The following PURG variants were observed in gnomAD, a reference collection of about 807,000 sequenced individuals.
The protein encoded by PURG is purine rich element binding protein G, also known as purine-rich element-binding protein gamma.
In PURG, 3 loss-of-function variants were observed where a neutral mutation model predicts 24.3. The ratio of observed to expected loss-of-function variants is 0.12; its 90% CI spans 0.06 to 0.32. PURG has a LOEUF of 0.32. Ranked by LOEUF, PURG falls within the 10% of genes least tolerant of loss-of-function variation. PURG has a pLI of 1.00. For synonymous variants in PURG, 180 were observed against 173.1 expected (o/e 1.04, Z -0.31); for missense variants, 371 against 439.1 (o/e 0.84, Z 1.39).
At chr8:31,025,549 T>G (rs1435549989) in intron 1 of PURG, among the ~76,000 whole-genome samples, 1 of 151,962 alleles carries the variant, frequency 6.6e-6, no homozygotes, top group African/African-American at 2.4e-5. Context: ...TCAACCCACA[T>G]TTTTAAAGAT....
At chr8:31,015,025 G>A (rs1197818234) in intron 1 of PURG, among the ~76,000 whole-genome samples, 1 of 152,230 alleles carries the variant, frequency 6.6e-6, no homozygotes, top group East Asian at 1.9e-4. Context: ...CAATACAGGA[G>A]ATAAGCTTTA....
chr8:31,005,867 G>A (rs1358487209), intron 1 of PURG, among the ~76,000 whole-genome samples: 1 of 150,856 alleles, frequency 6.6e-6, no homozygotes, highest in Non-Finnish European at 1.5e-5. Context: ...TATCTATGGA[G>A]GACACGGGTT....
At chr8:31,024,357 T>G (rs1426221724) in intron 1 of PURG, among the ~76,000 whole-genome samples, 4 of 152,140 alleles carry the variant, frequency 2.6e-5, no homozygotes, top group African/African-American at 9.7e-5. Flanking sequence ...GGAGGGAACC[T>G]TAGCTTCCAG....
intron 1 of PURG, among the ~76,000 whole-genome samples, chr8:31,010,909 T>G (rs1333745463): frequency 6.6e-6 from 1 of 152,240 alleles, no homozygotes; most frequent in Admixed American, 6.5e-5. Flanking sequence ...TGACCAGTTA[T>G]GGAAAACTTT....
chr8:31,006,253 T>C (rs1810648753), intron 1 of PURG, among the ~76,000 whole-genome samples: 1 of 152,180 alleles, frequency 6.6e-6, no homozygotes, highest in African/African-American at 2.4e-5. Context: ...AATAATGACC[T>C]TGACAGAATT....
At chr8:31,005,771 C>CTTTTTTTT (rs67428647) in intron 1 of PURG, among the ~76,000 whole-genome samples, 31 of 142,040 alleles carry the variant, frequency 2.2e-4, no homozygotes, top group Non-Finnish European at 2.3e-4. Context: ...TTTCTTTTTT[C>CTTTTTTTT]TTTTTTTTTT....
chr8:31,024,858 A>G (rs1049622346), intron 1 of PURG, among the ~76,000 whole-genome samples: 11 of 152,070 alleles, frequency 7.2e-5, no homozygotes, highest in Non-Finnish European at 2.9e-5. Context: ...ACTCTTTTAA[A>G]TACTATAAAC....
chr8:31,014,212 C>T (rs184220656), intron 1 of PURG, among the ~76,000 whole-genome samples: 5 of 152,160 alleles, frequency 3.3e-5, no homozygotes, highest in Non-Finnish European at 7.4e-5. Context: ...ATTCATGAAA[C>T]GAAGACTTAG....
At chr8:31,000,037 CT>C (rs1810507969) in intron 1 of PURG, among the ~76,000 whole-genome samples, 1 of 152,056 alleles carries the variant, frequency 6.6e-6, no homozygotes, top group Non-Finnish European at 1.5e-5. Context: ...ACATATACAT[CT>C]TGTCTCCAGT....
chr8:31,014,541 A>G (rs1810823300), intron 1 of PURG, among the ~76,000 whole-genome samples: 1 of 152,232 alleles, frequency 6.6e-6, no homozygotes, highest in Admixed American at 6.5e-5. Flanking sequence ...GAAACAGTTC[A>G]TTTGCAGAAA....
chr8:30,996,675 C>T, exon 2 of PURG: 1 of 1,611,866 alleles, frequency 6.2e-7, no homozygotes, highest in Non-Finnish European at 8.5e-7. Flanking sequence ...GATATTCTCT[C>T]TGGATTTGGG....
At chr8:31,012,995 GTTA>G (rs1388383270) in intron 1 of PURG, among the ~76,000 whole-genome samples, 3 of 152,140 alleles carry the variant, frequency 2.0e-5, no homozygotes, top group Non-Finnish European at 4.4e-5. Context: ...TTAGAATTGA[GTTA>G]TTAAGAATCT....
At chr8:31,025,606 A>G (rs2737324) in intron 1 of PURG, among the ~76,000 whole-genome samples, 8,714 of 151,686 alleles carry the variant, frequency 0.057, 520 homozygotes, top group East Asian at 0.24. Flanking sequence ...TTAATTCATA[A>G]TTAGATAGCA....
intron 1 of PURG, among the ~76,000 whole-genome samples, chr8:31,001,690 T>G (rs1340931137): frequency 6.6e-6 from 1 of 152,146 alleles, no homozygotes; most frequent in Non-Finnish European, 1.5e-5. Flanking sequence ...ACAAAGAACT[T>G]CACTATAACA....
At chr8:31,011,374 C>A (rs183256013) in intron 1 of PURG, among the ~76,000 whole-genome samples, 178 of 152,194 alleles carry the variant, frequency 1.2e-3, no homozygotes, top group Admixed American at 2.6e-3. Context: ...CACAATGGCA[C>A]ATGAAATGAA....
chr8:31,024,572 GTCTT>G (rs1375501595), intron 1 of PURG, among the ~76,000 whole-genome samples: 2 of 152,098 alleles, frequency 1.3e-5, no homozygotes, highest in Non-Finnish European at 1.5e-5. Context: ...ATCAGCCACT[GTCTT>G]TCTCTTTTCT....
intron 1 of PURG, among the ~76,000 whole-genome samples, chr8:31,010,287 C>G (rs1346165461): frequency 6.6e-6 from 1 of 152,102 alleles, no homozygotes; most frequent in Non-Finnish European, 1.5e-5. Context: ...GAGGAAACGT[C>G]AAGTTCTGGA....
At chr8:31,005,771 CT>C (rs67428647) in intron 1 of PURG, among the ~76,000 whole-genome samples, 36 of 142,140 alleles carry the variant, frequency 2.5e-4, no homozygotes, top group Non-Finnish European at 3.4e-4. Context: ...TTTCTTTTTT[CT>C]TTTTTTTTTT....
chr8:31,017,092 C>G (rs140960918), intron 1 of PURG, among the ~76,000 whole-genome samples: 372 of 152,232 alleles, frequency 2.4e-3, no homozygotes, highest in African/African-American at 8.0e-3. Flanking sequence ...AGCTATCTGG[C>G]TAAGCTAGAA....
Sources: allele counts gnomAD v4.1 joint callset (sites outside exome capture counted in the v4.1 genomes callset), GRCh38; gene constraint gnomAD v4.1.1; transcripts MANE v1.5; gene names NCBI Gene and HGNC (gene_info 2026-07-23, HGNC 2026-07-21).